The following DKK3 variants were observed in gnomAD, a reference collection of about 807,000 sequenced individuals.
DKK3 encodes dickkopf Wnt signaling pathway inhibitor 3, also known as dickkopf-related protein 3.
DKK3 carries 22 observed loss-of-function variants against 33.2 expected under a neutral mutation model. The observed-to-expected ratio is 0.66, with a 90% CI of 0.47 to 0.95. The LOEUF (loss-of-function observed/expected upper bound fraction) is 0.95, where lower values mean the gene tolerates loss of function less well. Among genes scored for constraint, DKK3 ranks in the 40% least tolerant of loss-of-function variants. The pLI is 0.00. For synonymous variants in DKK3, 194 were observed against 188.8 expected (o/e 1.03, Z -0.23); for missense variants, 398 against 458.4 (o/e 0.87, Z 1.20).
intron 4 of DKK3, among the ~76,000 whole-genome samples, 166 bp downstream of exon 4, chr11:11,968,229 G>C (rs990699037): frequency 1.3e-4 from 20 of 152,152 alleles, no homozygotes; most frequent in African/African-American, 4.8e-4. Flanking sequence ...ACTGGAATGA[G>C]TTCCTTGTCC....
chr11:11,998,489 T>C, intron 3 of DKK3: 1 of 627,136 alleles, frequency 1.6e-6, no homozygotes, highest in Non-Finnish European at 2.9e-6. Flanking sequence ...ATCTGTTGTT[T>C]CTGATGCCAA....
In DKK3 at chr11:11,965,928, C is replaced by T. The variant is rs1847582310; in HGVS notation, c.711G>A (p.Glu237=). 1 of 1,613,712 alleles carries T rather than the reference C, an allele frequency of 6.2e-7. No individual in the cohort carries two copies. Among genetic ancestry groups the T allele is most frequent in the Admixed American group, 1.7e-5 (1 of 60,006 alleles). The change falls in exon 6 of 7, where the codon GAG becomes GAA. Residue 237 remains glutamate (E), a synonymous_variant. Coordinates refer to ENST00000683431, the MANE Select transcript of DKK3 (RefSeq NM_001018057.2). ...TGGCGGGGTCATGGCAAAGCTCGCC[C>T]TCCACGGGCAGGGGTGTGCACACAG... The part of the protein sequence containing the change: ...LFPVCTPLPV[E]GELCHDPASR...
intron 1 of DKK3, 112 bp from the exon 2 acceptor site, chr11:12,002,549 G>T: frequency 3.5e-6 from 4 of 1,145,358 alleles, no homozygotes; most frequent in Non-Finnish European, 5.0e-6. Context: ...GAATGATGAT[G>T]ATGATAGGTG....
chr11:11,987,516 G>A lies in DKK3; in HGVS notation c.435+11180C>T, dbSNP rs898555853. ...GATAGTCCTTTCCCAACTGTCAGTT[G>A]CTGCTTGGAAGTGCTGTGCTGCCTC... On this transcript the variant is annotated intron_variant, in intron 3 of 6. Coordinates refer to ENST00000683431, the MANE Select transcript of DKK3 (RefSeq NM_001018057.2). Among the ~76,000 whole-genome samples the A allele has an allele frequency of 5.7e-4, 86 of 152,192 alleles. 1 individual carries two copies. Among genetic ancestry groups the A allele is most frequent in the African/African-American group, 1.8e-3 (75 of 41,434 alleles).
At chr11:11,970,674 A>T (rs974909798) in intron 3 of DKK3, among the ~76,000 whole-genome samples, 1 of 152,244 alleles carries the variant, frequency 6.6e-6, no homozygotes, top group African/African-American at 2.4e-5. Context: ...GACTTTAAAA[A>T]TGGAAAAGGG....
chr11:11,998,424 T>C lies in DKK3; in HGVS notation c.435+272A>G, dbSNP rs1848345407. On this transcript the variant is annotated intron_variant, in intron 3 of 6. Coordinates refer to ENST00000683431, the MANE Select transcript of DKK3 (RefSeq NM_001018057.2). Reference sequence around the variant, plus strand: ...CCCAGTCAACATGTCTGGTACTTGCTTGTACCCCTTTCAAAGCTGAGATGG... The same window carrying C: ...CCCAGTCAACATGTCTGGTACTTGCCTGTACCCCTTTCAAAGCTGAGATGG... 7.2e-6 allele frequency: 4 copies of C among 552,270 alleles called. No individual in the cohort carries two copies. The South Asian group carries it at 8.5e-5, about 12-fold the overall frequency. 34.2% of individuals were successfully genotyped at this position (552,270 alleles called of 1,614,324 possible).
At position 11,964,219 on chromosome 11, in the gene DKK3, CA is replaced by C. The variant is rs1235639053; in HGVS notation, c.*244del. 1.1e-5 allele frequency: 6 copies of C among 546,344 alleles called. No individual in the cohort carries two copies. The East Asian group carries it at 1.2e-4, about 11-fold the overall frequency. 33.8% of individuals were successfully genotyped at this position (546,344 alleles called of 1,614,324 possible). On this transcript the variant is annotated 3_prime_UTR_variant, in exon 7 of 7. Coordinates refer to ENST00000683431, the MANE Select transcript of DKK3 (RefSeq NM_001018057.2). ...GAGGCAAAGCAGCCAATAATCTGGA[CA>C]GGGGTGGCAAACTGCTCCTGCAGTT... is the stretch of plus-strand genomic sequence containing the variant.
chr11:11,971,029 A>ATT (rs35525674), intron 3 of DKK3, among the ~76,000 whole-genome samples: 28 of 138,922 alleles, frequency 2.0e-4, no homozygotes, highest in South Asian at 2.3e-4. Flanking sequence ...AAAATTGAAG[A>ATT]TTTTTTTTTT....
At chr11:11,978,429 T>TTCTTCTTCCTCTTCC (rs1847882474) in intron 3 of DKK3, among the ~76,000 whole-genome samples, 2 of 140,636 alleles carry the variant, frequency 1.4e-5, no homozygotes, top group East Asian at 1.9e-4. Flanking sequence ...CCTCTTCCTC[T>TTCTTCTTCCTCTTCC]TCTTCTTCCT....
chr11:11,973,443 G>C (rs561159232), intron 3 of DKK3, among the ~76,000 whole-genome samples: 141 of 152,286 alleles, frequency 9.3e-4, no homozygotes, highest in Non-Finnish European at 1.6e-3. Context: ...GCCACTGAGC[G>C]TCTGGGCCCA....
chr11:12,009,033 C>G (rs569049402), upstream of DKK3: 268 of 989,962 alleles, frequency 2.7e-4, no homozygotes, highest in African/African-American at 4.4e-3. Flanking sequence ...CTCTCTCAGC[C>G]CCTACCTGGG....
chr11:12,003,131 A>T (rs1326419046), intron 1 of DKK3, among the ~76,000 whole-genome samples: 1 of 152,052 alleles, frequency 6.6e-6, no homozygotes, highest in African/African-American at 2.4e-5. Context: ...CTTTCATCAC[A>T]CTTTCCCACT....
Position 11,965,924 on chromosome 11 carries a change from C to T in DKK3, c.715G>A (p.Glu239Lys), listed in dbSNP as rs201788630. 3.1e-6 allele frequency: 5 copies of T among 1,613,856 alleles called. No homozygotes were observed. In the Admixed American group the frequency reaches 5.0e-5, roughly 16 times the overall value. ...CGGCTGGCGGGGTCATGGCAAAGCT[C>T]GCCCTCCACGGGCAGGGGTGTGCAC... is the stretch of plus-strand genomic sequence containing the variant. ...PVCTPLPVEGELCHDPASRLL... is the reference protein window; with the variant it reads ...PVCTPLPVEGKLCHDPASRLL... The change falls in exon 6 of 7, where the codon GAG (glutamate) becomes AAG (lysine). Residue 239 changes from glutamate to lysine, a missense_variant. Physicochemically the swap from Glu to Lys is moderately conservative, Grantham distance 56. Coordinates refer to ENST00000683431, the MANE Select transcript of DKK3 (RefSeq NM_001018057.2).
chr11:12,009,366 C>T, upstream of DKK3: 2 of 960,744 alleles, frequency 2.1e-6, no homozygotes, highest in Non-Finnish European at 2.5e-6. Context: ...GGCTCCCTCT[C>T]CGCCCCCGCC....
Position 12,008,559 on chromosome 11 carries a change from C to T in DKK3, c.24G>A (p.Leu8=). MQRLGAT[L]LCLLLAAAVP... is the part of the protein sequence containing the mutation. ...CCGCCGCCGCCAGCAGCAGGCACAGCAGGGTGGCCCCAAGCCGCTGCATCT... is the reference window on the plus strand; with the variant it reads ...CCGCCGCCGCCAGCAGCAGGCACAGTAGGGTGGCCCCAAGCCGCTGCATCT... Residue 8 remains leucine, a synonymous_variant, in exon 1 of 7, where the codon CTG becomes CTA. Coordinates refer to ENST00000683431, the MANE Select transcript of DKK3 (RefSeq NM_001018057.2). The surrounding 1 kb of genome is among the most constrained non-coding windows in gnomAD (Gnocchi z 4.6). The T allele has an allele frequency of 6.6e-7, 1 of 1,516,064 alleles. No individual in the cohort carries two copies. The highest frequency in any genetic ancestry group is 8.8e-7 in the Non-Finnish European group (1 of 1,139,874). The allele number at this position is 1,516,064 out of a possible 1,614,324, so 93.9% of individuals were successfully genotyped here.
Position 11,964,384 on chromosome 11 carries a change from T to A in DKK3, c.*80A>T, listed in dbSNP as rs563142173. 5.8e-5 allele frequency: 88 copies of A among 1,524,330 alleles called. No homozygotes were observed. In the African/African-American group the frequency reaches 1.1e-3, roughly 20 times the overall value. 94.4% of individuals were successfully genotyped at this position (1,524,330 alleles called of 1,614,324 possible). A position where few individuals can be genotyped will look rare whatever the true frequency, so the allele number is the denominator to read the frequency against. ...GAAGAAGATGTAGGAAGAAGCCTGGTCAGCCCACGCCTAAAGCACACACCT... is the reference window on the plus strand; with the variant it reads ...GAAGAAGATGTAGGAAGAAGCCTGGACAGCCCACGCCTAAAGCACACACCT... On this transcript the variant is annotated 3_prime_UTR_variant, in exon 7 of 7. Coordinates refer to ENST00000683431, the MANE Select transcript of DKK3 (RefSeq NM_001018057.2).
intron 3 of DKK3, chr11:11,968,745 A>C: frequency 2.5e-6 from 1 of 399,336 alleles, no homozygotes; most frequent in East Asian, 4.5e-5. Flanking sequence ...CCATCTGTGC[A>C]CAGTTCTCCC....
At chr11:11,968,181 G>A (rs1032213144) in intron 4 of DKK3, among the ~76,000 whole-genome samples, 1 of 152,170 alleles carries the variant, frequency 6.6e-6, no homozygotes, top group Non-Finnish European at 1.5e-5. Context: ...GTGGATGGGA[G>A]TGGCCCTGGG....
At chr11:11,968,549 C>T in intron 3 of DKK3, 62 bp from the exon 4 acceptor site, 1 of 1,493,108 alleles carries the variant, frequency 6.7e-7, no homozygotes, top group Non-Finnish European at 9.2e-7. Context: ...CCCACAGTGC[C>T]CAGGAAGGGC....
Sources: gnomAD v4.1 joint callset for allele counts (sites outside exome capture counted in the v4.1 genomes callset) on GRCh38, gnomAD v4.1.1 for gene constraint, Gnocchi (gnomAD v3.1) non-coding constraint, MANE v1.5 for transcripts, NCBI Gene and HGNC (gene_info 2026-07-23, HGNC 2026-07-21) for gene names.